Variants in TTLL4 observed in about 807,000 individuals in gnomAD.
TTLL4 encodes the protein tubulin monoglutamylase TTLL4.
Under a neutral mutation model 122.7 loss-of-function variants are expected in TTLL4, and 85 were observed. The ratio of observed to expected loss-of-function variants is 0.69; its 90% CI spans 0.58 to 0.83. TTLL4 has a LOEUF of 0.83. Among genes scored for constraint, TTLL4 ranks in the 40% least tolerant of loss-of-function variants. The probability of loss-of-function intolerance (pLI) is 0.00; values close to 1 mark genes in which losing one functional copy is unlikely to be tolerated. For missense variants in TTLL4, 1,363 were observed against 1,488.6 expected (o/e 0.92, Z 1.39); for synonymous variants, 553 against 563.0 (o/e 0.98, Z 0.25).
chr2:218,743,577 G>A (rs1262170574), intron 5 of TTLL4, among the ~76,000 whole-genome samples: 1 of 152,174 alleles, frequency 6.6e-6, no homozygotes, highest in African/African-American at 2.4e-5. Context: ...GAGTGCAATT[G>A]CTAGGTTGTA....
Position 218,738,359 on chromosome 2 carries a change from C to T in TTLL4, c.683C>T (p.Thr228Met), listed in dbSNP as rs149683573. Residue 228 changes from threonine to methionine, a missense_variant, in exon 3 of 20, where the codon ACG becomes ATG. Physicochemically the swap from Thr to Met is moderately conservative, Grantham distance 81. Coordinates refer to ENST00000392102, the MANE Select transcript of TTLL4 (RefSeq NM_014640.5). ...NNNSFMWPNS[T>M]PVPLLQTTQG... ...AATTCCTTCATGTGGCCAAATAGCA[C>T]GCCAGTGCCTTTATTGCAGACCACA... is the stretch of plus-strand genomic sequence containing the variant. The T allele has an allele frequency of 8.9e-4, 1,434 of 1,614,156 alleles. 2 individuals are homozygous for T. Among genetic ancestry groups the T allele is most frequent in the Non-Finnish European group, 1.1e-3 (1,298 of 1,180,030 alleles).
At chr2:218,735,136 A>G (rs1054397495) in intron 2 of TTLL4, among the ~76,000 whole-genome samples, 1 of 152,192 alleles carries the variant, frequency 6.6e-6, no homozygotes, top group Non-Finnish European at 1.5e-5. Context: ...TGGCTTCTGC[A>G]GTGTTTGTTG....
chr2:218,750,867 AT>A (rs61482073), intron 15 of TTLL4, among the ~76,000 whole-genome samples: 76 of 149,078 alleles, frequency 5.1e-4, no homozygotes, highest in African/African-American at 1.3e-3. Flanking sequence ...CAGTATGGCC[AT>A]TTTTTTTTTC....
intron 18 of TTLL4, 181 bp downstream of exon 18, chr2:218,753,366 T>A: frequency 1.2e-6 from 1 of 857,458 alleles, no homozygotes; most frequent in South Asian, 1.6e-5. Flanking sequence ...CCTGGGTACC[T>A]TTCTTTCAAG....
downstream of TTLL4, among the ~76,000 whole-genome samples, chr2:218,757,919 A>G (rs577356109): frequency 9.2e-5 from 14 of 152,268 alleles, no homozygotes; most frequent in Admixed American, 5.9e-4. Flanking sequence ...GAATCCCCCA[A>G]CTGCTGTGAG....
intron 8 of TTLL4, chr2:218,746,596 C>G: frequency 2.7e-6 from 1 of 367,838 alleles, no homozygotes; most frequent in East Asian, 5.3e-5. Context: ...TATTATGTTT[C>G]CCTATGATCA....
intron 5 of TTLL4, among the ~76,000 whole-genome samples, chr2:218,741,695 T>A (rs1471030851): frequency 6.6e-6 from 1 of 152,180 alleles, no homozygotes; most frequent in Non-Finnish European, 1.5e-5. Flanking sequence ...CTACTTCAGG[T>A]TATATATATT....
At chr2:218,750,760 A>G (rs1942994513) in intron 15 of TTLL4, among the ~76,000 whole-genome samples, 1 of 152,110 alleles carries the variant, frequency 6.6e-6, no homozygotes, top group Non-Finnish European at 1.5e-5. Context: ...TCCTCTGCTT[A>G]TGGAGTTTCT....
intron 1 of TTLL4, among the ~76,000 whole-genome samples, chr2:218,726,597 C>G (rs551628914): frequency 6.7e-6 from 1 of 149,558 alleles, no homozygotes; most frequent in East Asian, 2.0e-4. Flanking sequence ...TCATAAATAG[C>G]TGGGATTACA....
At chr2:218,757,449 A>T (rs1407248437), downstream of TTLL4, among the ~76,000 whole-genome samples, 1 of 152,256 alleles carries the variant, frequency 6.6e-6, no homozygotes, top group Non-Finnish European at 1.5e-5. Flanking sequence ...AAGTATGTGA[A>T]CTGAGTGGGA....
chr2:218,717,990 C>T (rs923784157), intron 1 of TTLL4, among the ~76,000 whole-genome samples: 6 of 152,262 alleles, frequency 3.9e-5, no homozygotes, highest in Middle Eastern at 3.4e-3. Context: ...GGGGTTTCAC[C>T]GTGTTAACCA....
chr2:218,721,763 T>C (rs903021002), intron 1 of TTLL4, among the ~76,000 whole-genome samples: 1 of 152,204 alleles, frequency 6.6e-6, no homozygotes, highest in African/African-American at 2.4e-5. Context: ...AAAAAGTCCC[T>C]GTGCTCAAAG....
rs138326187 is a variant in TTLL4, at chr2:218,738,709, G to A, written c.1033G>A (p.Ala345Thr). 10 of 1,614,064 alleles carry A rather than the reference G, an allele frequency of 6.2e-6. No individual in the cohort carries two copies. The Admixed American group carries it at 1.0e-4, about 16-fold the overall frequency. The part of the protein sequence containing the change: ...RFTEAVRKLT[A>T]RGFEKMPRQG... ...CACTGAGGCCGTGAGGAAATTGACC[G>A]CAAGAGGCTTTGAGAAGATGCCGAG... Residue 345 changes from alanine (A) to threonine (T), a missense_variant, in exon 3 of 20, where the codon GCA becomes ACA. Ala to Thr is a moderately conservative substitution (Grantham distance 58, BLOSUM62 0). This residue lies in a region of TTLL4 where 760 missense variants were observed against 808.4 expected (regional missense o/e 0.94). Coordinates refer to ENST00000392102, the MANE Select transcript of TTLL4 (RefSeq NM_014640.5).
chr2:218,726,359 A>T (rs1942192558), intron 1 of TTLL4, among the ~76,000 whole-genome samples: 1 of 152,156 alleles, frequency 6.6e-6, no homozygotes, highest in African/African-American at 2.4e-5. Flanking sequence ...AGGTTTAATT[A>T]TTATATGCCT....
At chr2:218,717,057 C>T (rs1370935259) in intron 1 of TTLL4, among the ~76,000 whole-genome samples, 1 of 151,872 alleles carries the variant, frequency 6.6e-6, no homozygotes, top group Non-Finnish European at 1.5e-5. Context: ...TCATGGCTTA[C>T]TGCAGTCTCC....
chr2:218,758,958 A>C (rs1162940691), downstream of TTLL4, among the ~76,000 whole-genome samples: 1 of 152,250 alleles, frequency 6.6e-6, no homozygotes, highest in Non-Finnish European at 1.5e-5. Flanking sequence ...AAAAAGGAAC[A>C]GAGGGCCGGG....
intron 2 of TTLL4, among the ~76,000 whole-genome samples, chr2:218,729,750 AAAAAAAAAAAAAC>A (rs1675348758): frequency 3.2e-5 from 3 of 93,088 alleles, no homozygotes; most frequent in African/African-American, 5.3e-5. Context: ...TCTCTTTTTA[AAAAAAAAAAAAAC>A]AAAAAAAAAA....
chr2:218,720,828 G>C (rs1942014466), intron 1 of TTLL4, among the ~76,000 whole-genome samples: 1 of 152,146 alleles, frequency 6.6e-6, no homozygotes, highest in African/African-American at 2.4e-5. Flanking sequence ...CAAGATGGGA[G>C]GCTGATTGCC....
chr2:218,748,794 C>T lies in TTLL4; in HGVS notation c.2502-42C>T, dbSNP rs769050618. On this transcript the variant is annotated intron_variant, in intron 12 of 19. Transcript: ENST00000392102. Reference sequence around the variant, plus strand: ...TTTTTCTTTGTCTTTGTCACTCATTCCTAGAATTTAATTCCTAATACTTCC... The same window carrying T: ...TTTTTCTTTGTCTTTGTCACTCATTTCTAGAATTTAATTCCTAATACTTCC... 17 of 1,572,290 alleles carry T rather than the reference C, an allele frequency of 1.1e-5. No homozygotes were observed. In the African/African-American group the frequency reaches 1.4e-4, roughly 13 times the overall value.
Sources: allele counts gnomAD v4.1 joint callset (sites outside exome capture counted in the v4.1 genomes callset), GRCh38; gene constraint gnomAD v4.1.1; regional missense constraint gnomAD v4.1.1; transcripts MANE v1.5; gene names NCBI Gene and HGNC (gene_info 2026-07-23, HGNC 2026-07-21).